RAB31: variants seen among roughly 807,000 people sequenced by gnomAD.
RAB31 encodes the protein RAB31, member RAS oncogene family, also known as ras-related protein Rab-31.
RAB31 carries 21 observed loss-of-function variants against 25.6 expected under a neutral mutation model. The observed-to-expected ratio is 0.82, with a 90% CI of 0.58 to 1.18. RAB31 has a LOEUF of 1.18. Among genes scored for constraint, RAB31 ranks in the 50% most tolerant of loss-of-function variants. The pLI is 0.00. For missense variants in RAB31, 196 were observed against 250.1 expected, an observed-to-expected ratio of 0.78 and a Z score of 1.46; for synonymous variants, 87 against 84.0, an observed-to-expected ratio of 1.04 and a Z score of -0.20.
rs771080412 is a variant in RAB31, at chr18:9,774,899, G to A, written c.40-379G>A. On this transcript the variant is annotated intron_variant, in intron 1 of 6. Coordinates refer to ENST00000578921, the MANE Select transcript of RAB31 (RefSeq NM_006868.4). ...ACGTGTCTTTTGAATGCAAGGTTTT[G>A]AACAGAATGAATTCTGTTTCTGCCC... The A allele has an allele frequency of 5.8e-6, 3 of 520,846 alleles. No homozygotes were observed. In the Admixed American group the frequency reaches 5.8e-5, roughly 10 times the overall value. The allele number at this position is 520,846 out of a possible 1,614,324, so 32.3% of individuals were successfully genotyped here. A position where few individuals can be genotyped will look rare whatever the true frequency, so the allele number is the denominator to read the frequency against.
chr18:9,788,518 G>A (rs2068444731), intron 2 of RAB31, among the ~76,000 whole-genome samples: 1 of 152,206 alleles, frequency 6.6e-6, no homozygotes, highest in Non-Finnish European at 1.5e-5. Context: ...GCTAAAAATA[G>A]AACTGCCATA....
Position 9,815,158 on chromosome 18 carries a change from G to C in RAB31, c.316G>C (p.Glu106Gln). The C allele has an allele frequency of 1.3e-6, 2 of 1,557,148 alleles. No individual in the cohort carries two copies. Among genetic ancestry groups the C allele is most frequent in the Non-Finnish European group, 1.7e-6 (2 of 1,149,210 alleles). Residue 106 changes from glutamate (E) to glutamine (Q), a missense_variant, in exon 5 of 7, where the codon GAA becomes CAA. Glu to Gln is a conservative substitution (Grantham distance 29). Transcript: ENST00000578921. The part of the protein sequence containing the change: ...TLKKWVKELK[E>Q]HGPENIVMAI... ...GAAGAAATGGGTCAAGGAGCTGAAA[G>C]AACATGGTCCAGAAAACATTGTAAT...
intron 3 of RAB31, among the ~76,000 whole-genome samples, chr18:9,802,201 A>G (rs2143050376): frequency 6.6e-6 from 1 of 152,332 alleles, no homozygotes; most frequent in African/African-American, 2.4e-5. Context: ...GCTTGTAAAT[A>G]TTTATCAAAA....
intron 1 of RAB31, among the ~76,000 whole-genome samples, chr18:9,773,801 G>C (rs1001438691): frequency 7.9e-5 from 12 of 152,220 alleles, no homozygotes; most frequent in African/African-American, 2.9e-4. Flanking sequence ...TGGGACTACA[G>C]GCCCATGTCG....
Position 9,708,333 on chromosome 18 carries a change from G to A in RAB31, c.-73G>A. The A allele has an allele frequency of 8.0e-7, 1 of 1,257,552 alleles. No individual in the cohort carries two copies. The highest frequency in any genetic ancestry group is 1.1e-6 in the Non-Finnish European group (1 of 944,488). 77.9% of individuals were successfully genotyped at this position (1,257,552 alleles called of 1,614,324 possible). A position where few individuals can be genotyped will look rare whatever the true frequency, so the allele number is the denominator to read the frequency against. ...GCGCGAGCGAGGGGCAGAGGCGAGA[G>A]ACGCCGGCGGGGCGCGGGCGCGGCG... On this transcript the variant is annotated 5_prime_UTR_variant, in exon 1 of 7. Coordinates refer to ENST00000578921, the MANE Select transcript of RAB31 (RefSeq NM_006868.4). The surrounding 1 kb of genome is among the most constrained non-coding windows in gnomAD (Gnocchi z 6.4).
intron 3 of RAB31, among the ~76,000 whole-genome samples, chr18:9,799,592 G>A (rs2068503681): frequency 6.6e-6 from 1 of 151,998 alleles, no homozygotes; most frequent in South Asian, 2.1e-4. Flanking sequence ...AAATTCCTGG[G>A]CTCAAGCGAT....
intron 6 of RAB31, among the ~76,000 whole-genome samples, chr18:9,850,800 A>T (rs1174964126): frequency 1.3e-5 from 2 of 152,168 alleles, no homozygotes; most frequent in African/African-American, 2.4e-5. Flanking sequence ...CAGGAGTTTG[A>T]GGCTGCAGTG....
chr18:9,813,242 G>A (rs181048421), intron 3 of RAB31, among the ~76,000 whole-genome samples: 17 of 152,194 alleles, frequency 1.1e-4, no homozygotes, highest in Non-Finnish European at 2.2e-4. Context: ...CTCCAGACCC[G>A]AGGCAGCTGC....
intron 1 of RAB31, among the ~76,000 whole-genome samples, chr18:9,758,579 C>T (rs2068271685): frequency 1.3e-5 from 2 of 152,122 alleles, no homozygotes; most frequent in African/African-American, 2.4e-5. Context: ...GGCAGGTGTC[C>T]CTGTGCATCC....
At chr18:9,803,634 G>A (rs77044139) in intron 3 of RAB31, among the ~76,000 whole-genome samples, 5,609 of 152,236 alleles carry the variant, frequency 0.037, 281 homozygotes, top group African/African-American at 0.11. Context: ...AAACAGCTGT[G>A]GTGAGGGCCA....
rs576443693 is a variant in RAB31, at chr18:9,745,037, C to G, written c.40-30241C>G. Among the ~76,000 whole-genome samples, 11 of 151,488 alleles carry G rather than the reference C, an allele frequency of 7.3e-5. No individual in the cohort carries two copies. The South Asian group carries it at 2.3e-3, about 32-fold the overall frequency. ...AACCAAAAGTTGGTTCTTTGAAGATCAACAAAATCAACATACCTTAAGCTA... is the reference window on the plus strand; with the variant it reads ...AACCAAAAGTTGGTTCTTTGAAGATGAACAAAATCAACATACCTTAAGCTA... On this transcript the variant is annotated intron_variant, in intron 1 of 6. Coordinates refer to ENST00000578921, the MANE Select transcript of RAB31 (RefSeq NM_006868.4).
At chr18:9,751,512 G>A (rs1289206410) in intron 1 of RAB31, among the ~76,000 whole-genome samples, 1 of 152,134 alleles carries the variant, frequency 6.6e-6, no homozygotes, top group Non-Finnish European at 1.5e-5. Flanking sequence ...CTGGTGCTTT[G>A]GCTAGAGGCA....
At chr18:9,824,514 G>A (rs2068640535) in intron 5 of RAB31, among the ~76,000 whole-genome samples, 1 of 152,068 alleles carries the variant, frequency 6.6e-6, no homozygotes, top group Admixed American at 6.6e-5. Context: ...GGTTGTGTAA[G>A]CTTGTCAATT....
intron 1 of RAB31, among the ~76,000 whole-genome samples, chr18:9,754,977 AG>A (rs2068253731): frequency 6.6e-6 from 1 of 152,172 alleles, no homozygotes; most frequent in South Asian, 2.1e-4. Flanking sequence ...AAGAGGCAGG[AG>A]TAGGTACAGT....
At chr18:9,798,333 G>A (rs2068496680) in intron 3 of RAB31, among the ~76,000 whole-genome samples, 2 of 147,896 alleles carry the variant, frequency 1.4e-5, no homozygotes, top group South Asian at 4.2e-4. Flanking sequence ...CATCTCTCCA[G>A]TAATGGCAAT....
At chr18:9,717,711 G>T (rs1308992264) in intron 1 of RAB31, among the ~76,000 whole-genome samples, 1 of 151,622 alleles carries the variant, frequency 6.6e-6, no homozygotes, top group East Asian at 1.9e-4. Flanking sequence ...AGAGAGACAC[G>T]CACGTACACA....
Position 9,838,314 on chromosome 18 carries a change from G to A in RAB31, c.381-7268G>A, listed in dbSNP as rs570450258. Among the ~76,000 whole-genome samples, 27 of 152,288 alleles carry A rather than the reference G, an allele frequency of 1.8e-4. No homozygotes were observed. In the South Asian group the frequency reaches 4.4e-3, roughly 25 times the overall value. On this transcript the variant is annotated intron_variant, in intron 5 of 6. Transcript: ENST00000578921. Reference sequence around the variant, plus strand: ...CCTCTCATGTGAGGTGCTCATCTGGGCCACCTGGGAACGACTCTGAGCCAA... The same window carrying A: ...CCTCTCATGTGAGGTGCTCATCTGGACCACCTGGGAACGACTCTGAGCCAA...
chr18:9,855,866 C>T (rs950083301), intron 6 of RAB31, among the ~76,000 whole-genome samples: 10 of 152,146 alleles, frequency 6.6e-5, no homozygotes, highest in Admixed American at 2.0e-4. Flanking sequence ...CATTTCTCCC[C>T]GCCATGCAAA....
chr18:9,730,472 T>G (rs2068117395), intron 1 of RAB31, among the ~76,000 whole-genome samples: 1 of 152,076 alleles, frequency 6.6e-6, no homozygotes. Flanking sequence ...TTTTTTTTAG[T>G]AGAGACAGGG....
Sources: allele counts gnomAD v4.1 joint callset (sites outside exome capture counted in the v4.1 genomes callset), GRCh38; gene constraint gnomAD v4.1.1; non-coding constraint Gnocchi (gnomAD v3.1); transcripts MANE v1.5; gene names NCBI Gene and HGNC (gene_info 2026-07-23, HGNC 2026-07-21).